The following KIAA1217 variants were observed in gnomAD, a reference collection of about 807,000 sequenced individuals.
The protein encoded by KIAA1217 is sickle tail protein homolog.
KIAA1217 carries 88 observed loss-of-function variants against 163.9 expected under a neutral mutation model. The ratio of observed to expected loss-of-function variants is 0.54; its 90% CI spans 0.45 to 0.64. The LOEUF is 0.64. KIAA1217 is among the 30% of genes least tolerant of loss of function. The pLI is 0.00. For synonymous variants in KIAA1217, 903 were observed against 923.1 expected, an observed-to-expected ratio of 0.98 and a Z score of 0.39; for missense variants, 2,372 against 2,475.0, an observed-to-expected ratio of 0.96 and a Z score of 0.88.
chr10:24,294,187 CAAA>C (rs371110913), intron 2 of KIAA1217, among the ~76,000 whole-genome samples: 1 of 55,108 alleles, frequency 1.8e-5, no homozygotes, highest in African/African-American at 7.8e-5. Flanking sequence ...GACTCCGTCT[CAAA>C]AAAAAAAAAA....
chr10:24,177,379 A>ATATATATG (rs1424418370), intron 2 of KIAA1217, among the ~76,000 whole-genome samples: 13 of 144,292 alleles, frequency 9.0e-5, no homozygotes, highest in East Asian at 4.1e-4. Context: ...ATATATATAT[A>ATATATATG]TGTGTGTGTC....
At chr10:24,239,385 T>G (rs543532284) in intron 2 of KIAA1217, 1 of 745,504 alleles carries the variant, frequency 1.3e-6, no homozygotes, top group Non-Finnish European at 1.6e-6. Context: ...AAAAATTATT[T>G]GGAAACATTT....
At chr10:23,865,504 C>A (rs16923990) in intron 1 of KIAA1217, among the ~76,000 whole-genome samples, 5,290 of 152,144 alleles carry the variant, frequency 0.035, 306 homozygotes, top group African/African-American at 0.12. Context: ...TTTGCAAATA[C>A]TATTTTCCTG....
intron 1 of KIAA1217, among the ~76,000 whole-genome samples, chr10:23,723,695 G>A (rs187925223): frequency 1.5e-4 from 23 of 152,238 alleles, no homozygotes; most frequent in African/African-American, 5.3e-4. Context: ...TTAGCTGAAT[G>A]AGAATTTTTA....
chr10:24,127,050 A>C (rs1349536533), intron 2 of KIAA1217, among the ~76,000 whole-genome samples: 1 of 152,182 alleles, frequency 6.6e-6, no homozygotes, highest in Non-Finnish European at 1.5e-5. Context: ...TGGTTATAGT[A>C]GGAAAGTTAT....
At chr10:23,951,037 T>C (rs186339333) in intron 1 of KIAA1217, among the ~76,000 whole-genome samples, 2 of 152,236 alleles carry the variant, frequency 1.3e-5, no homozygotes, top group South Asian at 2.1e-4. Context: ...AGAATTATGG[T>C]CTAGTATAAG....
At chr10:23,854,765 G>T (rs1839558488) in intron 1 of KIAA1217, among the ~76,000 whole-genome samples, 1 of 152,188 alleles carries the variant, frequency 6.6e-6, no homozygotes, top group Non-Finnish European at 1.5e-5. Context: ...TTACCATTAT[G>T]TAATGGCCTT....
chr10:24,058,649 T>C (rs1476140766), intron 2 of KIAA1217, among the ~76,000 whole-genome samples: 1 of 152,184 alleles, frequency 6.6e-6, no homozygotes, highest in African/African-American at 2.4e-5. Context: ...TTGGATGCTA[T>C]TGTAAATGGG....
chr10:23,844,490 A>G (rs1311037538), intron 1 of KIAA1217, among the ~76,000 whole-genome samples: 1 of 152,164 alleles, frequency 6.6e-6, no homozygotes, highest in Non-Finnish European at 1.5e-5. Context: ...TGTCATATTC[A>G]AAACACAAGC....
At position 24,209,312 on chromosome 10, in the gene KIAA1217, T is replaced by G. The variant is rs755387440; in HGVS notation, c.70+49T>G. On this transcript the variant is annotated intron_variant, in intron 1 of 20. Transcript: ENST00000376454. The stretch of plus-strand genomic sequence containing the variant: ...ATGGAGTTACAGGGACGCGTGCCCC[T>G]TGCCGCTTGCTGCTTTTTATAAACT... The G allele has an allele frequency of 1.1e-5, 15 of 1,398,400 alleles. No individual in the cohort carries two copies. The African/African-American group carries it at 2.0e-4, about 19-fold the overall frequency. 86.6% of individuals were successfully genotyped at this position (1,398,400 alleles called of 1,614,324 possible). A position where few individuals can be genotyped will look rare whatever the true frequency, so the allele number is the denominator to read the frequency against.
intron 2 of KIAA1217, among the ~76,000 whole-genome samples, chr10:24,299,669 G>A (rs2132666357): frequency 6.6e-6 from 1 of 152,146 alleles, no homozygotes; most frequent in South Asian, 2.1e-4. Flanking sequence ...CAAAGTACTG[G>A]GATTACAGGC....
At chr10:24,018,342 A>G (rs1445183844) in intron 2 of KIAA1217, among the ~76,000 whole-genome samples, 1 of 152,106 alleles carries the variant, frequency 6.6e-6, no homozygotes, top group East Asian at 1.9e-4. Flanking sequence ...GTTACATAAC[A>G]TTAAACAGTG....
At chr10:24,234,444 A>T (rs1590108221) in intron 2 of KIAA1217, among the ~76,000 whole-genome samples, 1 of 152,142 alleles carries the variant, frequency 6.6e-6, no homozygotes, top group African/African-American at 2.4e-5. Context: ...CAGGCGGATC[A>T]CCTGAGGTCA....
chr10:23,719,694 G>A (rs200267255), intron 1 of KIAA1217, among the ~76,000 whole-genome samples: 13 of 152,006 alleles, frequency 8.6e-5, no homozygotes, highest in Admixed American at 2.0e-4. Flanking sequence ...CAAGGCAGGC[G>A]GATCACAATG....
intron 1 of KIAA1217, among the ~76,000 whole-genome samples, chr10:23,928,434 T>A (rs891693998): frequency 6.6e-6 from 1 of 152,218 alleles, no homozygotes; most frequent in Non-Finnish European, 1.5e-5. Flanking sequence ...TTGTTCATCA[T>A]GCAATTAGCA....
intron 8 of KIAA1217, among the ~76,000 whole-genome samples, chr10:24,501,012 G>A (rs1231513184): frequency 6.6e-6 from 1 of 151,800 alleles, no homozygotes; most frequent in Non-Finnish European, 1.5e-5. Flanking sequence ...ACACTTCTAA[G>A]CTTTTCTCTA....
chr10:23,959,849 A>G (rs1484948392), intron 1 of KIAA1217, among the ~76,000 whole-genome samples: 2 of 150,640 alleles, frequency 1.3e-5, no homozygotes, highest in African/African-American at 2.4e-5. Flanking sequence ...CTCTGGGTAT[A>G]GGGAGAATAT....
At chr10:24,520,743 G>A (rs1169081758) in intron 11 of KIAA1217, among the ~76,000 whole-genome samples, 2 of 146,270 alleles carry the variant, frequency 1.4e-5, no homozygotes, top group Non-Finnish European at 3.0e-5. Context: ...CTACTTAGGA[G>A]GCTGAGGTGG....
chr10:24,269,876 G>A (rs1053065545), intron 2 of KIAA1217, among the ~76,000 whole-genome samples: 1 of 152,166 alleles, frequency 6.6e-6, no homozygotes, highest in Non-Finnish European at 1.5e-5. Flanking sequence ...TTGGGGCCCC[G>A]TACTATATAC....
Sources: allele counts gnomAD v4.1 joint callset (sites outside exome capture counted in the v4.1 genomes callset), GRCh38; gene constraint gnomAD v4.1.1; transcripts MANE v1.5; gene names NCBI Gene and HGNC (gene_info 2026-07-23, HGNC 2026-07-21).